The following CYP4X1 variants were observed in gnomAD, a reference collection of about 807,000 sequenced individuals.
The protein encoded by CYP4X1 is cytochrome P450 family 4 subfamily X member 1.
A neutral mutation model predicts 57.9 loss-of-function variants in CYP4X1; 44 were observed. The observed-to-expected ratio is 0.76, with a 90% CI of 0.60 to 0.98. The LOEUF is 0.98. Among genes scored for constraint, CYP4X1 ranks in the 50% least tolerant of loss-of-function variants. The probability of loss-of-function intolerance (pLI) is 0.00; values close to 1 mark genes in which losing one functional copy is unlikely to be tolerated. For synonymous variants in CYP4X1, 227 were observed against 228.6 expected, an observed-to-expected ratio of 0.99 and a Z score of 0.06; for missense variants, 532 against 623.9, an observed-to-expected ratio of 0.85 and a Z score of 1.57.
chr1:46,970,081 T>C, the CYP4X1 span, among the ~76,000 whole-genome samples: 3 of 152,236 alleles, frequency 2.0e-5, no homozygotes, highest in Non-Finnish European at 4.4e-5. Context: ...TTCAACTCTA[T>C]GTAGACTGGT....
chr1:47,049,345 A>G (rs1473213458), intron 10 of CYP4X1, 77 bp from the exon 11 acceptor site: 1 of 1,037,506 alleles, frequency 9.6e-7, no homozygotes, highest in East Asian at 2.4e-5. Context: ...ATTTCTATTG[A>G]TCGGTGCTAG....
At chr1:46,975,865 A>AT in the CYP4X1 span, among the ~76,000 whole-genome samples, 149 of 152,002 alleles carry the variant, frequency 9.8e-4, 1 homozygote, top group Admixed American at 3.5e-3. Flanking sequence ...CATCAAAAAA[A>AT]TTTTTTTTCT....
At chr1:46,977,525 G>T in the CYP4X1 span, among the ~76,000 whole-genome samples, 1 of 152,200 alleles carries the variant, frequency 6.6e-6, no homozygotes, top group African/African-American at 2.4e-5. Flanking sequence ...GTGACCGAGA[G>T]AATGGAGCCA....
chr1:47,028,613 A>G (rs1644095001), intron 1 of CYP4X1, among the ~76,000 whole-genome samples: 1 of 152,208 alleles, frequency 6.6e-6, no homozygotes, highest in South Asian at 2.1e-4. Flanking sequence ...ATAGTACAGT[A>G]TTCACAACAG....
At chr1:46,987,027 A>G in the CYP4X1 span, among the ~76,000 whole-genome samples, 1 of 152,232 alleles carries the variant, frequency 6.6e-6, no homozygotes, top group Non-Finnish European at 1.5e-5. Context: ...CACACTAACA[A>G]TATTAATCTT....
chr1:46,971,160 T>C, the CYP4X1 span, among the ~76,000 whole-genome samples: 2 of 152,220 alleles, frequency 1.3e-5, no homozygotes, highest in African/African-American at 2.4e-5. Flanking sequence ...CTCCCACTTA[T>C]AAGTGAGAAC....
chr1:46,961,436 C>T, the CYP4X1 span: 19 of 581,308 alleles, frequency 3.3e-5, no homozygotes, highest in East Asian at 1.5e-3. Flanking sequence ...CCTGGGCCCA[C>T]CAGTTTTTCT....
At chr1:47,013,407 T>C in the CYP4X1 span, among the ~76,000 whole-genome samples, 5 of 152,190 alleles carry the variant, frequency 3.3e-5, no homozygotes, top group Admixed American at 1.3e-4. Context: ...TGAGGCCTAC[T>C]TGGGACAACA....
chr1:47,016,872 A>G, the CYP4X1 span, among the ~76,000 whole-genome samples: 4 of 152,108 alleles, frequency 2.6e-5, no homozygotes, highest in African/African-American at 7.2e-5. Flanking sequence ...CACACCCCCA[A>G]CTGGTAATTA....
At chr1:47,041,545 A>C (rs541197315) in intron 8 of CYP4X1, among the ~76,000 whole-genome samples, 159 of 152,234 alleles carry the variant, frequency 1.0e-3, no homozygotes, top group African/African-American at 3.7e-3. Flanking sequence ...GATGTTGAGC[A>C]TTGTTTTAAA....
chr1:46,978,552 A>T, the CYP4X1 span, among the ~76,000 whole-genome samples: 1 of 152,124 alleles, frequency 6.6e-6, no homozygotes, highest in Non-Finnish European at 1.5e-5. Context: ...CACTGTCAAT[A>T]TTAGATGTAT....
chr1:47,008,942 A>C, the CYP4X1 span, among the ~76,000 whole-genome samples: 1 of 152,338 alleles, frequency 6.6e-6, no homozygotes, highest in African/African-American at 2.4e-5. Flanking sequence ...AGACCTACAA[A>C]GAGACTTAGA....
the CYP4X1 span, among the ~76,000 whole-genome samples, chr1:46,972,194 G>C: frequency 6.6e-6 from 1 of 152,008 alleles, no homozygotes; most frequent in Non-Finnish European, 1.5e-5. Flanking sequence ...TTGAATAGAG[G>C]GTCCTTTTCC....
chr1:47,041,162 T>C (rs1037165248), intron 8 of CYP4X1, among the ~76,000 whole-genome samples: 37 of 152,156 alleles, frequency 2.4e-4, no homozygotes, highest in Non-Finnish European at 8.8e-5. Flanking sequence ...TGTTTATATA[T>C]ATACCATGTT....
chr1:47,023,765 C>T lies in CYP4X1; in HGVS notation c.-53C>T, dbSNP rs1644025588. 1 of 1,580,834 alleles carries T rather than the reference C, an allele frequency of 6.3e-7. No individual in the cohort carries two copies. Among genetic ancestry groups the T allele is most frequent in the East Asian group, 2.3e-5 (1 of 44,302 alleles). On this transcript the variant is annotated 5_prime_UTR_variant, in exon 1 of 12. Transcript: ENST00000371901. ...ACGCCAGCTCCGGGCGGGAGAAAGC[C>T]CACCCTCTCCCGCGCCCCAGGAAAC...
chr1:47,007,225 A>C, the CYP4X1 span, among the ~76,000 whole-genome samples: 3 of 152,182 alleles, frequency 2.0e-5, no homozygotes, highest in Non-Finnish European at 4.4e-5. Flanking sequence ...CCTCTGAGAC[A>C]AAATTTCCAG....
upstream of CYP4X1, among the ~76,000 whole-genome samples, chr1:47,021,977 T>C (rs936023771): frequency 6.6e-6 from 1 of 152,178 alleles, no homozygotes; most frequent in African/African-American, 2.4e-5. Context: ...TCTGAGGTCT[T>C]TGGCCCTACC....
At chr1:47,025,121 C>A (rs543811427) in intron 1 of CYP4X1, among the ~76,000 whole-genome samples, 2 of 152,188 alleles carry the variant, frequency 1.3e-5, no homozygotes, top group African/African-American at 4.8e-5. Flanking sequence ...TGGGATGGAT[C>A]CCTCATGAAT....
the CYP4X1 span, among the ~76,000 whole-genome samples, chr1:46,975,748 C>T: frequency 6.6e-6 from 1 of 152,078 alleles, no homozygotes; most frequent in Non-Finnish European, 1.5e-5. Context: ...GAACAATATT[C>T]TCAAATAAGT....
Sources: gnomAD v4.1 joint callset for allele counts (sites outside exome capture counted in the v4.1 genomes callset) on GRCh38, gnomAD v4.1.1 for gene constraint, MANE v1.5 for transcripts, NCBI Gene and HGNC (gene_info 2026-07-23, HGNC 2026-07-21) for gene names.